The following TEX9 variants were observed in gnomAD, a reference collection of about 807,000 sequenced individuals.
TEX9 encodes testis expressed 9.
TEX9 carries 74 observed loss-of-function variants against 59.6 expected under a neutral mutation model. That is an observed-to-expected ratio of 1.24 (90% confidence interval 1.03 to 1.51). The LOEUF (loss-of-function observed/expected upper bound fraction) is 1.51, where lower values mean the gene tolerates loss of function less well. Ranked by LOEUF, TEX9 falls within the 40% of genes most tolerant of loss-of-function variation. TEX9 has a pLI of 0.00. For missense variants in TEX9, 522 were observed against 447.8 expected (o/e 1.17, Z -1.49); for synonymous variants, 186 against 152.2 (o/e 1.22, Z -1.64).
At chr15:56,393,557 T>A (rs1258619778) in intron 7 of TEX9, 1 of 152,226 alleles carries the variant, frequency 6.6e-6, no homozygotes, top group African/African-American at 2.4e-5. Flanking sequence ...GAGTGAGTTC[T>A]AAGTTCAGTT....
At chr15:56,263,625 A>G (rs1380645518) in intron 1 of TEX9, among the ~76,000 whole-genome samples, 2 of 152,142 alleles carry the variant, frequency 1.3e-5, no homozygotes, top group African/African-American at 2.4e-5. Context: ...TGAGAAATGC[A>G]TAGTTATGTA....
At chr15:56,425,223 G>T (rs530457924) in intron 10 of TEX9, among the ~76,000 whole-genome samples, 96 of 152,204 alleles carry the variant, frequency 6.3e-4, no homozygotes, top group Middle Eastern at 3.4e-3. Flanking sequence ...GGGTCTCTGG[G>T]TTTATCCTAC....
chr15:56,245,565 A>G (rs1227586523), intron 1 of TEX9, among the ~76,000 whole-genome samples: 1 of 152,344 alleles, frequency 6.6e-6, no homozygotes, highest in African/African-American at 2.4e-5. Context: ...ATTGATAGAC[A>G]TGGTGTGCAC....
chr15:56,431,336 G>C, intron 12 of TEX9: 4 of 1,603,110 alleles, frequency 2.5e-6, no homozygotes, highest in Non-Finnish European at 3.4e-6. Flanking sequence ...ACTATTACAG[G>C]TCATGAAGAT....
At chr15:56,403,586 C>T (rs112343896) in intron 9 of TEX9, among the ~76,000 whole-genome samples, 1 of 152,246 alleles carries the variant, frequency 6.6e-6, no homozygotes, top group Non-Finnish European at 1.5e-5. Context: ...AATGCCATCC[C>T]CATCAAGCTA....
chr15:56,428,732 A>G (rs1180701436), intron 12 of TEX9: 1 of 363,628 alleles, frequency 2.8e-6, no homozygotes, highest in African/African-American at 2.1e-5. Context: ...GCTTTAAAAG[A>G]AAATTCCAAA....
chr15:56,372,628 A>C (rs2047244080), intron 2 of TEX9, among the ~76,000 whole-genome samples: 1 of 152,202 alleles, frequency 6.6e-6, no homozygotes, highest in Non-Finnish European at 1.5e-5. Context: ...GATTACGTGA[A>C]GATAGATATT....
At chr15:56,344,348 A>C (rs1333411775) in intron 1 of TEX9, among the ~76,000 whole-genome samples, 1 of 152,214 alleles carries the variant, frequency 6.6e-6, no homozygotes, top group Non-Finnish European at 1.5e-5. Flanking sequence ...AAGTGAATGA[A>C]GGATTGATAA....
intron 1 of TEX9, among the ~76,000 whole-genome samples, chr15:56,276,623 T>C (rs1407545122): frequency 1.3e-5 from 2 of 152,186 alleles, no homozygotes; most frequent in African/African-American, 4.8e-5. Flanking sequence ...TTGTAAAAGG[T>C]GCTGCAGTAA....
intron 1 of TEX9, among the ~76,000 whole-genome samples, chr15:56,283,706 A>G (rs1170311748): frequency 6.6e-6 from 1 of 152,174 alleles, no homozygotes; most frequent in East Asian, 1.9e-4. Flanking sequence ...AAAAGTAATG[A>G]AAAAAATTAA....
Position 56,392,215 on chromosome 15 carries a change from C to A in TEX9, c.571+797C>A, listed in dbSNP as rs796419679. 2.0e-4 allele frequency among the ~76,000 whole-genome samples: 30 copies of A among 152,210 alleles called. 1 individual carries two copies. The highest frequency in any genetic ancestry group is 6.7e-4 in the African/African-American group (28 of 41,538). On this transcript the variant is annotated intron_variant, in intron 7 of 12. Transcript: ENST00000352903. ...GTTCCTGCACTGCTATAAAGAAATA[C>A]CTGAGACTGTGTAATTTATAAAGAA...
chr15:56,392,358 T>A (rs2048255726), intron 7 of TEX9, among the ~76,000 whole-genome samples: 1 of 152,094 alleles, frequency 6.6e-6, no homozygotes, highest in Non-Finnish European at 1.5e-5. Flanking sequence ...GTGAGGCATC[T>A]CACACGGTGG....
At chr15:56,430,763 T>G (rs755739987) in intron 12 of TEX9, among the ~76,000 whole-genome samples, 3 of 152,134 alleles carry the variant, frequency 2.0e-5, no homozygotes, top group Non-Finnish European at 4.4e-5. Context: ...CTATTACTGG[T>G]GTTACCAGTG....
chr15:56,266,436 G>T (rs2044384338), intron 1 of TEX9, among the ~76,000 whole-genome samples: 1 of 151,472 alleles, frequency 6.6e-6, no homozygotes, highest in South Asian at 2.1e-4. Context: ...CTAACTCGTT[G>T]TTTACTTTAG....
At chr15:56,266,640 T>C (rs2044390579) in intron 1 of TEX9, among the ~76,000 whole-genome samples, 1 of 152,202 alleles carries the variant, frequency 6.6e-6, no homozygotes, top group Non-Finnish European at 1.5e-5. Flanking sequence ...TCCATGTCGC[T>C]ACAAAGGACA....
chr15:56,397,870 T>G (rs542213297), intron 9 of TEX9: 3 of 152,440 alleles, frequency 2.0e-5, no homozygotes, highest in Non-Finnish European at 2.9e-5. Context: ...CCAGCATGAT[T>G]GTGAGGCCTC....
chr15:56,454,094 A>G, the TEX9 span, among the ~76,000 whole-genome samples: 1 of 410 alleles, frequency 2.4e-3, no homozygotes, highest in East Asian at 0.5. Context: ...GAGAGGAGGC[A>G]TACTCTGTGA....
chr15:56,290,457 C>T (rs1167239582), intron 1 of TEX9, among the ~76,000 whole-genome samples: 1 of 151,900 alleles, frequency 6.6e-6, no homozygotes, highest in South Asian at 2.1e-4. Flanking sequence ...CTGCCCCCCC[C>T]AGTTTTTTTC....
intron 3 of TEX9, among the ~76,000 whole-genome samples, chr15:56,379,234 C>G (rs1402704196): frequency 6.6e-6 from 1 of 152,062 alleles, no homozygotes; most frequent in South Asian, 2.1e-4. Context: ...TCCCATAGAT[C>G]TTGGTATGTT....
Sources: gnomAD v4.1 joint callset for allele counts (sites outside exome capture counted in the v4.1 genomes callset) on GRCh38, gnomAD v4.1.1 for gene constraint, MANE v1.5 for transcripts, NCBI Gene and HGNC (gene_info 2026-07-23, HGNC 2026-07-21) for gene names.